Variants in ZNF423 observed in about 807,000 individuals in gnomAD.
ZNF423 encodes the protein Ebf-associated zinc finger protein.
A neutral mutation model predicts 95.8 loss-of-function variants in ZNF423; 12 were observed. The observed-to-expected ratio is 0.13, with a 90% confidence interval of 0.08 to 0.20. The LOEUF is 0.20. Ranked by LOEUF, ZNF423 falls within the 10% of genes least tolerant of loss-of-function variation. The probability of loss-of-function intolerance (pLI) is 1.00; values close to 1 mark genes in which losing one functional copy is unlikely to be tolerated. For synonymous variants in ZNF423, 749 were observed against 711.9 expected (o/e 1.05, Z -0.83); for missense variants, 1,316 against 1,737.1 (o/e 0.76, Z 4.31).
At chr16:49,766,067 T>C (rs1015879885) in intron 2 of ZNF423, among the ~76,000 whole-genome samples, 8 of 152,192 alleles carry the variant, frequency 5.3e-5, no homozygotes, top group African/African-American at 1.9e-4. Context: ...AAAATGGTTA[T>C]GATAGTAAAT....
At chr16:49,843,127 G>C (rs1277141788) in intron 1 of ZNF423, among the ~76,000 whole-genome samples, 1 of 152,096 alleles carries the variant, frequency 6.6e-6, no homozygotes, top group Non-Finnish European at 1.5e-5. Context: ...CAGATTTTTC[G>C]AGTGAATACC....
chr16:49,850,460 G>A (rs2035290782), intron 1 of ZNF423, among the ~76,000 whole-genome samples: 1 of 152,204 alleles, frequency 6.6e-6, no homozygotes, highest in African/African-American at 2.4e-5. Flanking sequence ...CCCACTAACA[G>A]TTTTCAAGGT....
At chr16:49,781,431 A>T (rs2034209863) in intron 2 of ZNF423, among the ~76,000 whole-genome samples, 3 of 152,122 alleles carry the variant, frequency 2.0e-5, no homozygotes, top group Admixed American at 1.3e-4. Flanking sequence ...CTACAGGGAA[A>T]CCCACTGCGA....
chr16:49,503,654 T>C (rs112208600), intron 7 of ZNF423, among the ~76,000 whole-genome samples: 2,791 of 152,302 alleles, frequency 0.018, 78 homozygotes, highest in African/African-American at 0.064. Flanking sequence ...GCTTCAACTC[T>C]GCATGTCCTG....
intron 5 of ZNF423, among the ~76,000 whole-genome samples, chr16:49,588,978 A>G (rs1970925365): frequency 6.6e-6 from 1 of 152,244 alleles, no homozygotes; most frequent in Non-Finnish European, 1.5e-5. Context: ...AGGAGGCCCC[A>G]AGAAGCTACT....
Position 49,635,530 on chromosome 16 carries a change from A to G in ZNF423, c.3516+130T>C. On this transcript the variant is annotated intron_variant, in intron 4 of 7. Transcript: ENST00000563137. This position sits in a 1 kb window ranked among gnomAD's most constrained non-coding sequence, Gnocchi z 4.8. ...AAACTCAAGGAGTCTACAGCACAGC[A>G]GTTCTGTTTTGCCACTGCGCGATAG... The G allele has an allele frequency of 1.7e-6, 2 of 1,187,814 alleles. No individual in the cohort carries two copies. Among genetic ancestry groups the G allele is most frequent in the Non-Finnish European group, 2.3e-6 (2 of 877,730 alleles). 73.6% of individuals were successfully genotyped at this position (1,187,814 alleles called of 1,614,324 possible).
At chr16:49,680,475 A>G (rs1174710600) in intron 3 of ZNF423, among the ~76,000 whole-genome samples, 1 of 152,230 alleles carries the variant, frequency 6.6e-6, no homozygotes, top group Admixed American at 6.5e-5. Flanking sequence ...GCAGGCAATG[A>G]GAAGGACAGA....
At chr16:49,514,848 C>A (rs1968068289) in intron 7 of ZNF423, among the ~76,000 whole-genome samples, 1 of 152,310 alleles carries the variant, frequency 6.6e-6, no homozygotes, top group East Asian at 1.9e-4. Context: ...TGGTCCAACA[C>A]CCCAAAACCA....
At chr16:49,778,433 C>T (rs1012109455) in intron 2 of ZNF423, among the ~76,000 whole-genome samples, 2 of 152,224 alleles carry the variant, frequency 1.3e-5, no homozygotes, top group East Asian at 1.9e-4. Context: ...GGCCCATGGC[C>T]GCACAGTCCA....
chr16:49,557,303 A>AG (rs1239676343), intron 5 of ZNF423, among the ~76,000 whole-genome samples: 1 of 152,192 alleles, frequency 6.6e-6, no homozygotes, highest in Non-Finnish European at 1.5e-5. Context: ...GCCTGGCAGG[A>AG]GGAGGGAGGG....
At chr16:49,767,077 C>T (rs569422981) in intron 2 of ZNF423, among the ~76,000 whole-genome samples, 1 of 151,926 alleles carries the variant, frequency 6.6e-6, no homozygotes, top group Non-Finnish European at 1.5e-5. Flanking sequence ...TGGGCTCAAG[C>T]AGTCCTCCTA....
At chr16:49,689,450 C>T (rs542561751) in intron 3 of ZNF423, among the ~76,000 whole-genome samples, 1 of 151,798 alleles carries the variant, frequency 6.6e-6, no homozygotes, top group Non-Finnish European at 1.5e-5. Context: ...AGAGACCCTG[C>T]CTCAAAAAGA....
chr16:49,614,783 CT>C (rs1267462107), intron 5 of ZNF423, among the ~76,000 whole-genome samples: 1 of 152,160 alleles, frequency 6.6e-6, no homozygotes, highest in African/African-American at 2.4e-5. Flanking sequence ...ACTTTATTGT[CT>C]TTAAGCTAAA....
At chr16:49,707,706 T>C (rs1270971983) in intron 3 of ZNF423, among the ~76,000 whole-genome samples, 2 of 152,044 alleles carry the variant, frequency 1.3e-5, no homozygotes, top group African/African-American at 4.8e-5. Flanking sequence ...GAAGCCTTGA[T>C]AAAATTTACG....
Position 49,522,533 on chromosome 16 carries a change from G to A in ZNF423, c.3849+1091C>T, listed in dbSNP as rs539509429. 6.6e-5 allele frequency among the ~76,000 whole-genome samples: 10 copies of A among 151,494 alleles called. No homozygotes were observed. The South Asian group carries it at 1.7e-3, about 25-fold the overall frequency. ...CTTTTGTTGAGGACACAGAGACCGA[G>A]AGGAGGTTTGTTATTGCAGCCTAAC... On this transcript the variant is annotated intron_variant, in intron 7 of 7. Coordinates refer to ENST00000563137, the MANE Select transcript of ZNF423 (RefSeq NM_001379286.1).
At chr16:49,502,314 G>A (rs1967440879) in intron 7 of ZNF423, among the ~76,000 whole-genome samples, 1 of 152,188 alleles carries the variant, frequency 6.6e-6, no homozygotes, top group African/African-American at 2.4e-5. Flanking sequence ...GAGGGTAAGG[G>A]TAGAAGATGA....
chr16:49,539,288 T>C (rs1969167497), intron 5 of ZNF423, among the ~76,000 whole-genome samples: 1 of 152,196 alleles, frequency 6.6e-6, no homozygotes, highest in South Asian at 2.1e-4. Flanking sequence ...GGAGCAAGGC[T>C]TGCTCTGTGG....
chr16:49,632,010 T>G (rs1302696486), intron 4 of ZNF423, among the ~76,000 whole-genome samples: 1 of 152,188 alleles, frequency 6.6e-6, no homozygotes, highest in African/African-American at 2.4e-5. Context: ...TAGTGGGATC[T>G]GGATAGGCCC....
Position 49,638,434 on chromosome 16 carries a change from G to T in ZNF423, c.742C>A (p.His248Asn). The T allele has an allele frequency of 6.2e-7, 1 of 1,613,926 alleles. No individual in the cohort carries two copies. Among genetic ancestry groups the T allele is most frequent in the Non-Finnish European group, 8.5e-7 (1 of 1,180,034 alleles). The change falls in exon 4 of 8, where the codon CAC (histidine) becomes AAC (asparagine). Residue 248 changes from histidine to asparagine, a missense_variant. This residue lies in a region of ZNF423 where 399 missense variants were observed against 478.5 expected (regional missense o/e 0.83). Coordinates refer to ENST00000563137, the MANE Select transcript of ZNF423 (RefSeq NM_001379286.1). The surrounding 1 kb of genome is among the most constrained non-coding windows in gnomAD (Gnocchi z 5.6). ...TTGTTCTTTTTGTGGGCCTGCATGT[G>T]GCTCTGCAGCGAGCTGGTGGAGGAG... ...GFSSTSSLQS[H>N]MQAHKKNKEH...
Sources: allele counts gnomAD v4.1 joint callset (sites outside exome capture counted in the v4.1 genomes callset), GRCh38; gene constraint gnomAD v4.1.1; regional missense constraint gnomAD v4.1.1; non-coding constraint Gnocchi (gnomAD v3.1); transcripts MANE v1.5; gene names NCBI Gene and HGNC (gene_info 2026-07-23, HGNC 2026-07-21).